DNAH2: variants seen among roughly 807,000 people sequenced by gnomAD.
DNAH2 encodes axonemal beta dynein heavy chain 2.
A neutral mutation model predicts 523.5 loss-of-function variants in DNAH2; 323 were observed. The observed-to-expected ratio is 0.62, with a 90% CI of 0.56 to 0.68. The LOEUF is 0.68. Among genes scored for constraint, DNAH2 ranks in the 30% least tolerant of loss-of-function variants. DNAH2 has a pLI of 0.00. For synonymous variants in DNAH2, 2,093 were observed against 2,177.4 expected (o/e 0.96, Z 1.08); for missense variants, 4,907 against 5,701.5 (o/e 0.86, Z 4.49).
At chr17:7,819,182 C>G in intron 71 of DNAH2, 27 bp from the exon 72 acceptor site, 1 of 1,611,680 alleles carries the variant, frequency 6.2e-7, no homozygotes, top group Non-Finnish European at 8.5e-7. Flanking sequence ...CCTCAGTGGC[C>G]CTGACTCCAC....
Position 7,760,430 on chromosome 17 carries a change from G to T in DNAH2, c.2786-310G>T, listed in dbSNP as rs900331686. ...GGGGCTTGGATGGGGGTTGAGATTAGGTGACTGATGCTCATGGGTTTTGGG... is the reference window on the plus strand; with the variant it reads ...GGGGCTTGGATGGGGGTTGAGATTATGTGACTGATGCTCATGGGTTTTGGG... On this transcript the variant is annotated intron_variant, in intron 17 of 85. Transcript: ENST00000572933. The surrounding 1 kb of genome is among the most constrained non-coding windows in gnomAD (Gnocchi z 4.0). Among the ~76,000 whole-genome samples the T allele has an allele frequency of 6.6e-6, 1 of 152,032 alleles. No homozygotes were observed. The highest frequency in any genetic ancestry group is 1.5e-5 in the Non-Finnish European group (1 of 68,006).
Position 7,786,111 on chromosome 17 carries a change from TCC to T in DNAH2, c.6130-11_6130-10del. ...CCTTTTTCTTCTGCTTGCTGTGTTT[TCC>T]CTTCCCTCAGCTGCGGGAGACCGTT... On this transcript the variant is annotated splice_polypyrimidine_tract_variant and intron_variant, in intron 39 of 85. Coordinates refer to ENST00000572933, the MANE Select transcript of DNAH2 (RefSeq NM_020877.5). The surrounding 1 kb of genome is among the most constrained non-coding windows in gnomAD (Gnocchi z 7.5). The T allele has an allele frequency of 6.2e-7, 1 of 1,613,560 alleles. No individual in the cohort carries two copies. The highest frequency in any genetic ancestry group is 1.3e-5 in the African/African-American group (1 of 74,920).
rs774059490 is a variant in DNAH2, at chr17:7,793,447, T to TTCTTTTTTC, written c.7569+243_7569+244insCTTTTTTCT. Among the ~76,000 whole-genome samples the TTCTTTTTTC allele has an allele frequency of 3.9e-4, 38 of 96,504 alleles. 1 individual carries two copies. Among genetic ancestry groups the TTCTTTTTTC allele is most frequent in the Admixed American group, 1.2e-3 (11 of 9,456 alleles). 63.3% of individuals were successfully genotyped at this position (96,504 alleles called of 152,430 possible). On this transcript the variant is annotated intron_variant, in intron 48 of 85. Transcript: ENST00000572933. ...GCCTGCTTGCTTTTTCTTTCTTTCT[T>TTCTTTTTTC]TTTCTTTCTTTCTTTCTTTCTTTCT...
intron 49 of DNAH2, 119 bp downstream of exon 49, chr17:7,794,477 GGACGC>G: frequency 1.3e-6 from 1 of 787,154 alleles, no homozygotes; most frequent in Non-Finnish European, 1.9e-6. Flanking sequence ...GCTCCACGCA[GGACGC>G]TGGGACGATC....
chr17:7,737,996 G>A (rs964818660), intron 8 of DNAH2: 19 of 703,068 alleles, frequency 2.7e-5, no homozygotes, highest in Non-Finnish European at 4.9e-5. Flanking sequence ...ATGCTGCCAC[G>A]CCATCTCCCT....
Position 7,804,344 on chromosome 17 carries a change from G to T in DNAH2, c.9061G>T (p.Val3021Leu). 6.2e-7 allele frequency: 1 copy of T among 1,614,196 alleles called. No individual in the cohort carries two copies. The highest frequency in any genetic ancestry group is 8.5e-7 in the Non-Finnish European group (1 of 1,180,040). The change falls in exon 59 of 86, where the codon GTG becomes TTG. Residue 3021 changes from valine (V) to leucine (L), a missense_variant. Around this residue, in one of 3 missense-constraint regions of DNAH2, gnomAD observed 1,851 missense variants for 2,139.4 expected, o/e 0.87. Transcript: ENST00000572933. ...CAAGATCGACGAAACTAGGGAAAAG[G>T]TGCAAGTGATGTCGTTGGAGCTGGA... ...LFKIDETREKVQVMSLELEDA... is the reference protein window; with the variant it reads ...LFKIDETREKLQVMSLELEDA...
In DNAH2 at chr17:7,774,854, C is replaced by T. The variant is rs1048484687; in HGVS notation, c.4597C>T (p.Arg1533Cys). The T allele has an allele frequency of 6.2e-6, 10 of 1,614,102 alleles. No homozygotes were observed. Among genetic ancestry groups the T allele is most frequent in the African/African-American group, 4.0e-5 (3 of 74,930 alleles). Reference sequence around the variant, plus strand: ...AGAGACCAAGCGACATATTTTCCCCCGCTTCTACTTCTTGTCCAATGATGA... The same window carrying T: ...AGAGACCAAGCGACATATTTTCCCCTGCTTCTACTTCTTGTCCAATGATGA... ...YLETKRHIFP[R>C]FYFLSNDDLL... The change falls in exon 29 of 86, where the codon CGC (arginine) becomes TGC (cysteine). Residue 1533 changes from arginine (R) to cysteine (C), a missense_variant. Arg to Cys is a radical substitution (Grantham distance 180). This residue lies in a region of DNAH2 where 2,806 missense variants were observed against 3,190.8 expected (regional missense o/e 0.88). Coordinates refer to ENST00000572933, the MANE Select transcript of DNAH2 (RefSeq NM_020877.5).
rs779678369 is a variant in DNAH2, at chr17:7,798,150, C to T, written c.8231-7C>T. ...ACTCATTACCCTCACACCCACCCCACCCCCAGTCACACGGATCGTGCGGGT... is the reference window on the plus strand; with the variant it reads ...ACTCATTACCCTCACACCCACCCCATCCCCAGTCACACGGATCGTGCGGGT... On this transcript the variant is annotated splice_polypyrimidine_tract_variant and splice_region_variant and intron_variant, in intron 53 of 85. Coordinates refer to ENST00000572933, the MANE Select transcript of DNAH2 (RefSeq NM_020877.5). The surrounding 1 kb of genome is among the most constrained non-coding windows in gnomAD (Gnocchi z 5.5). The T allele has an allele frequency of 1.9e-6, 3 of 1,583,146 alleles. No individual in the cohort carries two copies. Among genetic ancestry groups the T allele is most frequent in the Non-Finnish European group, 2.6e-6 (3 of 1,157,908 alleles).
intron 61 of DNAH2, among the ~76,000 whole-genome samples, chr17:7,806,511 T>G (rs1477520058): frequency 6.6e-6 from 1 of 151,606 alleles, no homozygotes; most frequent in African/African-American, 2.4e-5. Context: ...ACAAAAAAAT[T>G]AGCCGGGTGT....
At chr17:7,735,376 C>T (rs2075111783) in intron 7 of DNAH2, among the ~76,000 whole-genome samples, 1 of 152,220 alleles carries the variant, frequency 6.6e-6, no homozygotes, top group South Asian at 2.1e-4. Flanking sequence ...GTGATCCACC[C>T]ACCTTGGCCT....
At chr17:7,804,218 C>G (rs768813433) in intron 58 of DNAH2, 38 bp from the exon 59 acceptor site, 2 of 1,607,244 alleles carry the variant, frequency 1.2e-6, no homozygotes, top group Admixed American at 3.4e-5. Context: ...TTTCCGGAAG[C>G]CCCGCCTCTC....
rs1597808098 is a variant in DNAH2 at position 7,833,382 on chromosome 17, T to G, written c.13133T>G (p.Met4378Arg). 1.9e-6 allele frequency: 3 copies of G among 1,613,904 alleles called. No homozygotes were observed. The highest frequency in any genetic ancestry group is 1.1e-5 in the South Asian group (1 of 91,082). The change falls in exon 86 of 86, where the codon ATG (methionine) becomes AGG (arginine). Residue 4378 changes from methionine to arginine, a missense_variant. By Grantham distance (91) the Met-to-Arg change is moderately conservative. Transcript: ENST00000572933. ...AESRKKSAKGMYSCPCYYYPN... is the reference protein window; with the variant it reads ...AESRKKSAKGRYSCPCYYYPN... Reference sequence around the variant, plus strand: ...CTTCTCCTCTCCTTTCCCCCAGGCATGTACTCCTGCCCCTGCTATTACTAT... The same window carrying G: ...CTTCTCCTCTCCTTTCCCCCAGGCAGGTACTCCTGCCCCTGCTATTACTAT...
intron 12 of DNAH2, among the ~76,000 whole-genome samples, chr17:7,748,353 G>T (rs1420841195): frequency 6.6e-6 from 1 of 152,154 alleles, no homozygotes; most frequent in Non-Finnish European, 1.5e-5. Flanking sequence ...CCCGGTCACA[G>T]AGTGCCTTTT....
In DNAH2 at chr17:7,760,082, A is replaced by G. The variant is rs2075963242; in HGVS notation, c.2785+144A>G. On this transcript the variant is annotated intron_variant, in intron 17 of 85. Coordinates refer to ENST00000572933, the MANE Select transcript of DNAH2 (RefSeq NM_020877.5). The surrounding 1 kb of genome is among the most constrained non-coding windows in gnomAD (Gnocchi z 4.0). The stretch of plus-strand genomic sequence containing the variant: ...TGGGGAAAACTCAGGTCAAGGGGCC[A>G]GATCGGCTGGCACAGTGGCTTGTGC... 2.3e-6 allele frequency: 3 copies of G among 1,291,758 alleles called. No individual in the cohort carries two copies. The East Asian group carries it at 7.0e-5, about 30-fold the overall frequency. The allele number at this position is 1,291,758 out of a possible 1,614,324, so 80.0% of individuals were successfully genotyped here. A position where few individuals can be genotyped will look rare whatever the true frequency, so the allele number is the denominator to read the frequency against.
rs1396962684 is a variant in DNAH2, at chr17:7,734,589, G to C, written c.859G>C (p.Asp287His). The C allele has an allele frequency of 1.1e-5, 17 of 1,613,580 alleles. No individual in the cohort carries two copies. Among genetic ancestry groups the C allele is most frequent in the Non-Finnish European group, 1.4e-5 (17 of 1,180,002 alleles). Residue 287 changes from aspartate (D) to histidine (H), a missense_variant, in exon 7 of 86, where the codon GAC becomes CAC. Physicochemically the swap from Asp to His is moderately conservative, Grantham distance 81. Around this residue, in one of 3 missense-constraint regions of DNAH2, gnomAD observed 2,806 missense variants for 3,190.8 expected, o/e 0.88. Coordinates refer to ENST00000572933, the MANE Select transcript of DNAH2 (RefSeq NM_020877.5). ...EIEFWRNRCMDLSGISKQLVK... is the reference protein window; with the variant it reads ...EIEFWRNRCMHLSGISKQLVK... Reference sequence around the variant, plus strand: ...TGAGTTCTGGCGCAACCGATGCATGGACCTGTCTGGCATCAGTAAGCAGCT... The same window carrying C: ...TGAGTTCTGGCGCAACCGATGCATGCACCTGTCTGGCATCAGTAAGCAGCT...
At position 7,759,878 on chromosome 17, in the gene DNAH2, C is replaced by T. The variant is rs758950384; in HGVS notation, c.2725C>T (p.His909Tyr). ...CTTTTCCACCATCTCTGTCTTCTGC[C>T]ACCTCCCTGACATTCTCACCAAGCG... ...HLFSTISVFC[H>Y]LPDILTKRKL... The change falls in exon 17 of 86, where the codon CAC (histidine) becomes TAC (tyrosine). Residue 909 changes from histidine to tyrosine, a missense_variant. His to Tyr is a moderately conservative substitution (Grantham distance 83). This residue lies in a region of DNAH2 where 2,806 missense variants were observed against 3,190.8 expected (regional missense o/e 0.88). Coordinates refer to ENST00000572933, the MANE Select transcript of DNAH2 (RefSeq NM_020877.5). 1.2e-5 allele frequency: 19 copies of T among 1,614,076 alleles called. No homozygotes were observed. The highest frequency in any genetic ancestry group is 1.5e-5 in the Non-Finnish European group (18 of 1,180,056).
chr17:7,756,915 C>A (rs948938056), intron 12 of DNAH2, among the ~76,000 whole-genome samples, 176 bp from the exon 13 acceptor site: 1 of 152,228 alleles, frequency 6.6e-6, no homozygotes, highest in Non-Finnish European at 1.5e-5. Flanking sequence ...AAGTGATCCG[C>A]CTGCCTCGGC....
intron 84 of DNAH2, 44 bp from the exon 85 acceptor site, chr17:7,833,027 A>G (rs746892357): frequency 7.4e-6 from 12 of 1,612,890 alleles, no homozygotes; most frequent in African/African-American, 4.0e-5. Context: ...GGCGCTGGCA[A>G]TTGAAGTCTA....
In DNAH2 at chr17:7,778,398, G is replaced by A; in HGVS notation, c.5470G>A (p.Val1824Ile). Residue 1824 changes from valine (V) to isoleucine (I), a missense_variant, in exon 35 of 86, where the codon GTC becomes ATC. Physicochemically the swap from Val to Ile is conservative, Grantham distance 29. This residue lies in a region of DNAH2 where 2,806 missense variants were observed against 3,190.8 expected (regional missense o/e 0.88). Coordinates refer to ENST00000572933, the MANE Select transcript of DNAH2 (RefSeq NM_020877.5). The stretch of plus-strand genomic sequence containing the variant: ...CCTGGGCAAGGCCCTGGGCATATAT[G>A]TCATTGTGGTCAACTGCTCTGAGGG... Reference protein sequence around the residue: ...KDLGKALGIYVIVVNCSEGLD... With the variant: ...KDLGKALGIYIIVVNCSEGLD... 1 of 1,614,212 alleles carries A rather than the reference G, an allele frequency of 6.2e-7. No homozygotes were observed. The highest frequency in any genetic ancestry group is 8.5e-7 in the Non-Finnish European group (1 of 1,180,034).
Sources: gnomAD v4.1 joint callset for allele counts (sites outside exome capture counted in the v4.1 genomes callset) on GRCh38, gnomAD v4.1.1 for gene constraint, gnomAD v4.1.1 regional missense constraint, Gnocchi (gnomAD v3.1) non-coding constraint, MANE v1.5 for transcripts, NCBI Gene and HGNC (gene_info 2026-07-23, HGNC 2026-07-21) for gene names.